The following ZNF701 variants were observed in gnomAD, a reference collection of about 807,000 sequenced individuals.
ZNF701 encodes zinc finger protein 701.
ZNF701 carries 6 observed loss-of-function variants against 7.1 expected under a neutral mutation model. The observed-to-expected ratio is 0.84, with a 90% CI of 0.46 to 1.66. The LOEUF (loss-of-function observed/expected upper bound fraction) is 1.66, where lower values mean the gene tolerates loss of function less well. Ranked by LOEUF, ZNF701 falls within the 40% of genes most tolerant of loss-of-function variation. The pLI, the probability that ZNF701 is intolerant of heterozygous loss-of-function variation, is 0.01. For synonymous variants in ZNF701, 166 were observed against 188.2 expected (o/e 0.88, Z 0.97); for missense variants, 541 against 559.2 (o/e 0.97, Z 0.33).
In ZNF701 at chr19:52,582,798, G is replaced by A; in HGVS notation, c.739G>A (p.Val247Ile). Residue 247 changes from valine (V) to isoleucine (I), a missense_variant, in exon 4 of 4, where the codon GTA becomes ATA. Val to Ile is a conservative substitution (Grantham distance 29). Transcript: ENST00000391785. ...HLGDKQYKCD[V>I]CGKDFHQKRY... ...AGGAGACAAACAGTATAAATGTGAT[G>A]TATGCGGCAAGGACTTTCATCAGAA... 1 of 1,614,184 alleles carries A rather than the reference G, an allele frequency of 6.2e-7. No individual in the cohort carries two copies. Among genetic ancestry groups the A allele is most frequent in the Non-Finnish European group, 8.5e-7 (1 of 1,180,042 alleles).
intron 3 of ZNF701, among the ~76,000 whole-genome samples, chr19:52,579,728 T>C (rs1168358536): frequency 7.3e-6 from 1 of 136,066 alleles, no homozygotes; most frequent in Non-Finnish European, 1.5e-5. Flanking sequence ...ACAAAAATTA[T>C]CCAGGCACGG....
intron 3 of ZNF701, among the ~76,000 whole-genome samples, chr19:52,580,777 G>A (rs1285537020): frequency 6.6e-6 from 1 of 151,958 alleles, no homozygotes; most frequent in Non-Finnish European, 1.5e-5. Flanking sequence ...GACTTTACCT[G>A]TGAGTTTTCA....
chr19:52,587,234 T>C (rs1199021118), downstream of ZNF701: 2 of 152,222 alleles, frequency 1.3e-5, 1 homozygote, highest in East Asian at 3.8e-4. Context: ...AGTGAGAAAG[T>C]ACATCATTTC....
chr19:52,572,884 T>G (rs2059909996), intron 1 of ZNF701, among the ~76,000 whole-genome samples: 1 of 152,178 alleles, frequency 6.6e-6, no homozygotes, highest in Non-Finnish European at 1.5e-5. Context: ...CCTTCCCGTC[T>G]CAGGTCATTT....
At position 52,584,699 on chromosome 19, in the gene ZNF701, G is replaced by GT. The variant is rs1245513840; in HGVS notation, c.*1248dup. On this transcript the variant is annotated 3_prime_UTR_variant, in exon 4 of 4. Coordinates refer to ENST00000391785, the MANE Select transcript of ZNF701 (RefSeq NM_018260.3). ...TTTAAGATCTCTAGCAAATGGAAGTGTTTTTTAATTTTCGTTTAAATTTTT... is the reference window on the plus strand; with the variant it reads ...TTTAAGATCTCTAGCAAATGGAAGTGTTTTTTTAATTTTCGTTTAAATTTTT... The GT allele has an allele frequency of 1.3e-5, 2 of 152,254 alleles. No homozygotes were observed. The highest frequency in any genetic ancestry group is 2.9e-5 in the Non-Finnish European group (2 of 68,008). 9.4% of individuals were successfully genotyped at this position (152,254 alleles called of 1,614,324 possible).
chr19:52,583,126 G>A lies in ZNF701; in HGVS notation c.1067G>A (p.Cys356Tyr), dbSNP rs139542318. ...CACACTGGAGAGAAACCATACAAATGTAAGGTTTGTGACAAGGCTTTCAGA... is the reference window on the plus strand; with the variant it reads ...CACACTGGAGAGAAACCATACAAATATAAGGTTTGTGACAAGGCTTTCAGA... Reference protein sequence around the residue: ...RIHTGEKPYKCKVCDKAFRRD... With the variant: ...RIHTGEKPYKYKVCDKAFRRD... The change falls in exon 4 of 4, where the codon TGT becomes TAT. Residue 356 changes from cysteine (C) to tyrosine (Y), a missense_variant. Cys to Tyr is a radical substitution (Grantham distance 194). Transcript: ENST00000391785. 3.6e-4 allele frequency: 581 copies of A among 1,610,292 alleles called. No individual in the cohort carries two copies. The highest frequency in any genetic ancestry group is 4.8e-4 in the Non-Finnish European group (561 of 1,176,676).
the ZNF701 span, chr19:52,596,964 CTT>C: frequency 2.7e-6 from 2 of 754,420 alleles, no homozygotes; most frequent in Non-Finnish European, 4.5e-6. Flanking sequence ...GAAGTCGTCA[CTT>C]TTTTATCATC....
At chr19:52,574,483 T>A (rs2059920648) in intron 2 of ZNF701, among the ~76,000 whole-genome samples, 1 of 152,160 alleles carries the variant, frequency 6.6e-6, no homozygotes, top group Non-Finnish European at 1.5e-5. Flanking sequence ...GGATGCACTG[T>A]CAACTCTCTG....
At chr19:52,579,520 C>CAAA (rs34682718) in intron 3 of ZNF701, among the ~76,000 whole-genome samples, 8 of 60,162 alleles carry the variant, frequency 1.3e-4, no homozygotes, top group African/African-American at 5.4e-4. Context: ...AACTCTGTCT[C>CAAA]AAAAAAAAAA....
rs527426545 is a variant in ZNF701 at position 52,574,081 on chromosome 19, G to C, written c.-67G>C. The C allele has an allele frequency of 1.2e-6, 2 of 1,611,728 alleles. No homozygotes were observed. Among genetic ancestry groups the C allele is most frequent in the South Asian group, 2.2e-5 (2 of 91,044 alleles). On this transcript the variant is annotated 5_prime_UTR_variant, in exon 2 of 4. Coordinates refer to ENST00000391785, the MANE Select transcript of ZNF701 (RefSeq NM_018260.3). ...CAACATATTTCTAACATTCAGGATTGACTTCTAAAGACTTGGTACGTGAGG... is the reference window on the plus strand; with the variant it reads ...CAACATATTTCTAACATTCAGGATTCACTTCTAAAGACTTGGTACGTGAGG...
chr19:52,588,847 G>A (rs962653454), downstream of ZNF701, among the ~76,000 whole-genome samples: 6 of 152,122 alleles, frequency 3.9e-5, no homozygotes, highest in Non-Finnish European at 7.4e-5. Context: ...AGGGTCAAGC[G>A]ATTCTCATGC....
rs756923278 is a variant in ZNF701 at position 52,583,018 on chromosome 19, A to C, written c.959A>C (p.His320Pro). ...QSNLARHHRV[H>P]TGEKPYKCEE... Reference sequence around the variant, plus strand: ...AACCTTGCACGTCATCATAGAGTTCATACTGGAGAGAAACCTTACAAATGT... The same window carrying C: ...AACCTTGCACGTCATCATAGAGTTCCTACTGGAGAGAAACCTTACAAATGT... Residue 320 changes from histidine (H) to proline (P), a missense_variant, in exon 4 of 4, where the codon CAT becomes CCT. Coordinates refer to ENST00000391785, the MANE Select transcript of ZNF701 (RefSeq NM_018260.3). 1 of 1,614,030 alleles carries C rather than the reference A, an allele frequency of 6.2e-7. No homozygotes were observed. The highest frequency in any genetic ancestry group is 8.5e-7 in the Non-Finnish European group (1 of 1,179,994).
rs553950358 is a variant in ZNF701 at position 52,582,714 on chromosome 19, G to C, written c.655G>C (p.Glu219Gln). 2 of 1,614,160 alleles carry C rather than the reference G, an allele frequency of 1.2e-6. No homozygotes were observed. Among genetic ancestry groups the C allele is most frequent in the South Asian group, 2.2e-5 (2 of 91,068 alleles). ...AAGAGAAAAATCTTTCCAACGTAAT[G>C]AGAGTGGCAAAGCCTTTAATGGTAG... Reference protein sequence around the residue: ...HTREKSFQRNESGKAFNGSSL... With the variant: ...HTREKSFQRNQSGKAFNGSSL... Residue 219 changes from glutamate (E) to glutamine (Q), a missense_variant, in exon 4 of 4, where the codon GAG becomes CAG. Transcript: ENST00000391785.
chr19:52,576,404 C>T (rs559548688), intron 3 of ZNF701, among the ~76,000 whole-genome samples: 4 of 151,882 alleles, frequency 2.6e-5, no homozygotes, highest in Non-Finnish European at 4.4e-5. Context: ...AGCCGGGCGT[C>T]GTGGTGCATG....
At chr19:52,592,240 A>G in the ZNF701 span, 55 of 1,571,676 alleles carry the variant, frequency 3.5e-5, no homozygotes, top group South Asian at 5.3e-4. Context: ...TGAGGAAAAT[A>G]TCCCTCCAGA....
the ZNF701 span, among the ~76,000 whole-genome samples, chr19:52,592,773 A>AGAGATGGGATATGACCATGTTGGCCAGGC: frequency 1.4e-4 from 17 of 123,402 alleles, no homozygotes; most frequent in South Asian, 5.2e-4. Context: ...TATTTTTTTT[A>AGAGATGGGATATGACCATGTTGGCCAGGC]TTTTTATTTT....
At chr19:52,593,866 C>T in the ZNF701 span, among the ~76,000 whole-genome samples, 1 of 111,272 alleles carries the variant, frequency 9.0e-6, no homozygotes, top group Admixed American at 9.3e-5. Context: ...TCCTCACATC[C>T]CAGACGATGG....
intron 3 of ZNF701, among the ~76,000 whole-genome samples, chr19:52,576,668 C>T (rs980463522): frequency 2.1e-5 from 3 of 145,698 alleles, no homozygotes; most frequent in South Asian, 4.1e-4. Flanking sequence ...TGTTACAGTG[C>T]TCTCCAAGCA....
Position 52,581,340 on chromosome 19 carries a change from CT to C in ZNF701, c.143-861del, listed in dbSNP as rs201953151. 5.3e-4 allele frequency among the ~76,000 whole-genome samples: 80 copies of C among 152,224 alleles called. 1 individual carries two copies. The East Asian group carries it at 0.012, about 23-fold the overall frequency. On this transcript the variant is annotated intron_variant, in intron 3 of 3. Coordinates refer to ENST00000391785, the MANE Select transcript of ZNF701 (RefSeq NM_018260.3). ...GTTCAAGCAATTCTCCTTCCTTAGCCTCCCAAGTAGCTTGGATTACAGGTGC... is the reference window on the plus strand; with the variant it reads ...GTTCAAGCAATTCTCCTTCCTTAGCCCCCAAGTAGCTTGGATTACAGGTGC...
Sources: gnomAD v4.1 joint callset for allele counts (sites outside exome capture counted in the v4.1 genomes callset) on GRCh38, gnomAD v4.1.1 for gene constraint, MANE v1.5 for transcripts, NCBI Gene and HGNC (gene_info 2026-07-23, HGNC 2026-07-21) for gene names.